Variants in RAB11FIP4 observed in about 807,000 individuals in gnomAD.
RAB11FIP4 encodes RAB11 family interacting protein 4.
A neutral mutation model predicts 74.3 loss-of-function variants in RAB11FIP4; 23 were observed. The observed-to-expected ratio is 0.31, with a 90% CI of 0.22 to 0.44. RAB11FIP4 has a LOEUF of 0.44. RAB11FIP4 is among the 20% of genes least tolerant of loss of function. RAB11FIP4 has a pLI of 1.00. For missense variants in RAB11FIP4, 630 were observed against 863.9 expected, an observed-to-expected ratio of 0.73 and a Z score of 3.39; for synonymous variants, 360 against 359.9, an observed-to-expected ratio of 1.00 and a Z score of 0.00.
chr17:31,432,755 A>C (rs900578479), intron 2 of RAB11FIP4, among the ~76,000 whole-genome samples: 1 of 152,182 alleles, frequency 6.6e-6, no homozygotes, highest in African/African-American at 2.4e-5. Context: ...TCTTGTCCCA[A>C]AAATTCAAAG....
chr17:31,480,964 C>T (rs530735576), intron 3 of RAB11FIP4, among the ~76,000 whole-genome samples: 2 of 152,290 alleles, frequency 1.3e-5, no homozygotes, highest in South Asian at 4.1e-4. Flanking sequence ...CCACAAGAAT[C>T]AACCAAGACT....
At chr17:31,398,133 G>A (rs182856026) in intron 1 of RAB11FIP4, among the ~76,000 whole-genome samples, 1 of 152,082 alleles carries the variant, frequency 6.6e-6, no homozygotes. Flanking sequence ...CCAACTCCGG[G>A]GTTCAAGCGA....
At chr17:31,488,192 G>T in intron 3 of RAB11FIP4, 16 of 1,092,548 alleles carry the variant, frequency 1.5e-5, no homozygotes, top group Non-Finnish European at 1.8e-5. Flanking sequence ...CCCGCGCGCC[G>T]CCGACCCGCG....
intron 3 of RAB11FIP4, among the ~76,000 whole-genome samples, chr17:31,506,577 T>C (rs2072353758): frequency 6.6e-6 from 1 of 152,198 alleles, no homozygotes; most frequent in South Asian, 2.1e-4. Context: ...TAACCACCAT[T>C]CTACTTTCTA....
intron 3 of RAB11FIP4, among the ~76,000 whole-genome samples, chr17:31,454,523 C>T (rs918846391): frequency 2.0e-5 from 3 of 152,118 alleles, no homozygotes; most frequent in Non-Finnish European, 4.4e-5. Context: ...ATCTGCCCAC[C>T]TTAGCCTCCC....
intron 3 of RAB11FIP4, among the ~76,000 whole-genome samples, chr17:31,492,117 GC>G (rs1272072309): frequency 9.9e-5 from 15 of 152,160 alleles, no homozygotes; most frequent in African/African-American, 3.6e-4. Flanking sequence ...CCAGCAGCCT[GC>G]CCGTGTTTTC....
intron 3 of RAB11FIP4, among the ~76,000 whole-genome samples, chr17:31,493,377 T>G (rs1024367197): frequency 6.6e-6 from 1 of 151,928 alleles, no homozygotes; most frequent in African/African-American, 2.4e-5. Context: ...CTCTCTCTCT[T>G]TAGTCATCTG....
chr17:31,430,359 T>TG (rs1428359114), intron 1 of RAB11FIP4, among the ~76,000 whole-genome samples: 1 of 130,986 alleles, frequency 7.6e-6, no homozygotes, highest in Admixed American at 7.3e-5. Context: ...TGGATTTTTT[T>TG]TTTTTTTTTT....
chr17:31,418,384 G>A (rs368508824), intron 1 of RAB11FIP4, among the ~76,000 whole-genome samples: 74 of 151,652 alleles, frequency 4.9e-4, no homozygotes, highest in African/African-American at 1.4e-3. Flanking sequence ...GTGAGACTTC[G>A]TCTCAAAAAA....
At chr17:31,521,441 C>T (rs1036998860) in intron 5 of RAB11FIP4, 81 bp downstream of exon 5, 16 of 1,277,798 alleles carry the variant, frequency 1.3e-5, no homozygotes, top group Middle Eastern at 2.1e-4. Context: ...TGGGGGGGTG[C>T]GAGTCCTGAG....
chr17:31,518,071 T>G (rs1315907748), intron 4 of RAB11FIP4, among the ~76,000 whole-genome samples, 194 bp downstream of exon 4: 1 of 152,222 alleles, frequency 6.6e-6, no homozygotes, highest in Non-Finnish European at 1.5e-5. Flanking sequence ...TTTTGGAATT[T>G]TAGGCAGCTG....
chr17:31,447,108 C>T (rs1377483125), intron 3 of RAB11FIP4, among the ~76,000 whole-genome samples: 1 of 152,176 alleles, frequency 6.6e-6, no homozygotes, highest in South Asian at 2.1e-4. Context: ...CACGGTGAAA[C>T]CCCGTCTCCA....
intron 1 of RAB11FIP4, among the ~76,000 whole-genome samples, chr17:31,412,099 G>A (rs2071102798): frequency 6.6e-6 from 1 of 152,196 alleles, no homozygotes; most frequent in African/African-American, 2.4e-5. Context: ...CTCCCCAAGT[G>A]AGTGCATCAG....
At chr17:31,501,873 G>A (rs2072228406) in intron 3 of RAB11FIP4, 1 of 155,852 alleles carries the variant, frequency 6.4e-6, no homozygotes, top group Non-Finnish European at 1.5e-5. Flanking sequence ...GGTACTTGAA[G>A]TATGACTTCT....
intron 1 of RAB11FIP4, among the ~76,000 whole-genome samples, chr17:31,402,838 G>A (rs1007050936): frequency 1.6e-4 from 25 of 151,834 alleles, no homozygotes; most frequent in African/African-American, 6.0e-4. Flanking sequence ...TGTTAGCCAG[G>A]ATGGTCTCGA....
chr17:31,394,945 G>C (rs905385968), intron 1 of RAB11FIP4, among the ~76,000 whole-genome samples: 3 of 138,434 alleles, frequency 2.2e-5, no homozygotes, highest in Middle Eastern at 3.6e-3. Flanking sequence ...GGGCGGGGGG[G>C]GGGGGCTCCC....
At chr17:31,435,765 G>A (rs2071351558) in intron 3 of RAB11FIP4, among the ~76,000 whole-genome samples, 1 of 152,200 alleles carries the variant, frequency 6.6e-6, no homozygotes, top group Non-Finnish European at 1.5e-5. Flanking sequence ...GCTGAGGGCT[G>A]CCAAGTCCAT....
chr17:31,533,841 A>G lies in RAB11FIP4; in HGVS notation c.*2109A>G, dbSNP rs2142840212. 1 of 152,102 alleles carries G rather than the reference A, an allele frequency of 6.6e-6. No individual in the cohort carries two copies. The highest frequency in any genetic ancestry group is 6.5e-5 in the Admixed American group (1 of 15,300). The allele number at this position is 152,102 out of a possible 1,614,324, so 9.4% of individuals were successfully genotyped here. On this transcript the variant is annotated 3_prime_UTR_variant, in exon 15 of 15. Coordinates refer to ENST00000621161, the MANE Select transcript of RAB11FIP4 (RefSeq NM_032932.6). ...GCTCCGGAGGGAGCCGGCGTCTGAA[A>G]GGCCCCCGGGACCTGCTGCAGTGCC... is the stretch of plus-strand genomic sequence containing the variant.
chr17:31,405,179 A>G (rs983548441), intron 1 of RAB11FIP4, among the ~76,000 whole-genome samples: 1 of 151,894 alleles, frequency 6.6e-6, no homozygotes, highest in Non-Finnish European at 1.5e-5. Context: ...GACCCTGAGG[A>G]TGGAGAGAAG....
Sources: gnomAD v4.1 joint callset for allele counts (sites outside exome capture counted in the v4.1 genomes callset) on GRCh38, gnomAD v4.1.1 for gene constraint, MANE v1.5 for transcripts, NCBI Gene and HGNC (gene_info 2026-07-23, HGNC 2026-07-21) for gene names.